Variants in CEP104 observed in about 807,000 individuals in gnomAD.
The protein encoded by CEP104 is centrosomal protein 104, also known as centrosomal protein of 104 kDa.
In CEP104, 84 loss-of-function variants were observed where a neutral mutation model predicts 113.3. That is an observed-to-expected ratio of 0.74 (90% CI 0.62 to 0.89). The LOEUF (loss-of-function observed/expected upper bound fraction) is 0.89, where lower values mean the gene tolerates loss of function less well. Ranked by LOEUF, CEP104 falls within the 40% of genes least tolerant of loss-of-function variation. CEP104 has a pLI of 0.00. For synonymous variants in CEP104, 378 were observed against 421.7 expected (o/e 0.90, Z 1.27); for missense variants, 1,053 against 1,156.6 (o/e 0.91, Z 1.30).
chr1:3,832,124 A>C (rs17403836), intron 12 of CEP104, among the ~76,000 whole-genome samples: 50,005 of 152,256 alleles, frequency 0.33, 9,783 homozygotes, highest in Admixed American at 0.45. Flanking sequence ...GCTTAAAAAT[A>C]ATTAAATGAA....
At chr1:3,842,703 A>G (rs1351439047) in intron 6 of CEP104, among the ~76,000 whole-genome samples, 1 of 152,238 alleles carries the variant, frequency 6.6e-6, no homozygotes, top group Non-Finnish European at 1.5e-5. Flanking sequence ...TTTCTATTAA[A>G]GTTTAAAAAG....
At chr1:3,818,795 T>C (rs537419053) in intron 20 of CEP104, among the ~76,000 whole-genome samples, 3 of 152,354 alleles carry the variant, frequency 2.0e-5, no homozygotes, top group Admixed American at 6.5e-5. Context: ...TTCACGATGC[T>C]TAACTCCAGA....
At chr1:3,842,778 T>C (rs1244304886) in intron 6 of CEP104, among the ~76,000 whole-genome samples, 1 of 152,296 alleles carries the variant, frequency 6.6e-6, no homozygotes, top group South Asian at 2.1e-4. Context: ...GAATTCCTCT[T>C]TATTTAAAAT....
At chr1:3,840,034 A>G (rs1241822730) in intron 6 of CEP104, among the ~76,000 whole-genome samples, 7 of 152,192 alleles carry the variant, frequency 4.6e-5, no homozygotes, top group East Asian at 1.9e-4. Context: ...CTGAGCCTCC[A>G]GTGCATTCGC....
chr1:3,842,378 C>A (rs989248192), intron 6 of CEP104, among the ~76,000 whole-genome samples: 1 of 152,248 alleles, frequency 6.6e-6, no homozygotes, highest in Non-Finnish European at 1.5e-5. Flanking sequence ...CCGCGCCCGG[C>A]CTTGGTGTTA....
At chr1:3,852,444 C>T in intron 1 of CEP104, 23 bp from the exon 2 acceptor site, 2 of 1,591,884 alleles carry the variant, frequency 1.3e-6, no homozygotes, top group Non-Finnish European at 1.7e-6. Flanking sequence ...GCAGGAAAAA[C>T]TTCTTTAAAA....
intron 3 of CEP104, among the ~76,000 whole-genome samples, 160 bp downstream of exon 3, chr1:3,848,448 C>T (rs1644548508): frequency 6.7e-6 from 1 of 148,820 alleles, no homozygotes; most frequent in African/African-American, 2.5e-5. Context: ...AGGAGAATGG[C>T]GTGAACCCGG....
intron 20 of CEP104, among the ~76,000 whole-genome samples, chr1:3,820,904 C>T (rs759339059): frequency 3.1e-4 from 47 of 152,242 alleles, no homozygotes; most frequent in South Asian, 8.3e-4. Context: ...CTTTGGAAAC[C>T]GGGGCCCATG....
chr1:3,856,833 C>T (rs1432390403), intron 1 of CEP104, 56 bp downstream of exon 1: 2 of 151,754 alleles, frequency 1.3e-5, no homozygotes, highest in East Asian at 3.9e-4. Context: ...CCCCGCGCCC[C>T]GCGCCCCGCT....
Position 3,845,332 on chromosome 1 carries a change from T to C in CEP104, c.446A>G (p.Asn149Ser). The change falls in exon 5 of 22, where the codon AAT becomes AGT. Residue 149 changes from asparagine to serine, a missense_variant. By Grantham distance (46) the Asn-to-Ser change is conservative. Transcript: ENST00000378230. ...IYNQVALVAI[N>S]IIGDPADFSD... is the part of the protein sequence containing the mutation. Reference sequence around the variant, plus strand: ...GAAATCTGCAGGGTCTCCAATGATATTTATGGCAACCAAAGCAACCTAAGA... The same window carrying C: ...GAAATCTGCAGGGTCTCCAATGATACTTATGGCAACCAAAGCAACCTAAGA... 1.2e-6 allele frequency: 2 copies of C among 1,608,902 alleles called. No homozygotes were observed. The highest frequency in any genetic ancestry group is 1.7e-6 in the Non-Finnish European group (2 of 1,176,138).
At chr1:3,830,989 C>T in intron 13 of CEP104, 57 bp downstream of exon 13, 5 of 1,508,308 alleles carry the variant, frequency 3.3e-6, no homozygotes, top group Non-Finnish European at 4.5e-6. Context: ...TCGCCACGCT[C>T]CAGGCACTGT....
chr1:3,838,893 G>C, intron 8 of CEP104, 71 bp downstream of exon 8: 3 of 1,534,206 alleles, frequency 2.0e-6, no homozygotes, highest in Non-Finnish European at 2.7e-6. Flanking sequence ...TCTATCCACT[G>C]TTGTGAACCA....
chr1:3,828,317 G>A (rs563232101), intron 15 of CEP104, among the ~76,000 whole-genome samples: 6 of 152,266 alleles, frequency 3.9e-5, no homozygotes, highest in Admixed American at 2.0e-4. Flanking sequence ...ACCACGATGC[G>A]GACCTGAGCC....
chr1:3,815,395 C>T lies in CEP104; in HGVS notation c.*7G>A, dbSNP rs12729542. ...CCTCACAGAGACCAAGGAGCCCGAGCGCCGCGTCAGCGCTTGGCGTACGTC... is the reference window on the plus strand; with the variant it reads ...CCTCACAGAGACCAAGGAGCCCGAGTGCCGCGTCAGCGCTTGGCGTACGTC... On this transcript the variant is annotated 3_prime_UTR_variant, in exon 22 of 22. Coordinates refer to ENST00000378230, the MANE Select transcript of CEP104 (RefSeq NM_014704.4). 129,851 of 1,596,024 alleles carry T rather than the reference C, an allele frequency of 0.081. 5,912 individuals are homozygous for T. The highest frequency in any genetic ancestry group is 0.093 in the Non-Finnish European group (109,254 of 1,169,412).
chr1:3,817,669 C>T (rs1409840528), intron 20 of CEP104, among the ~76,000 whole-genome samples: 1 of 152,190 alleles, frequency 6.6e-6, no homozygotes, highest in Non-Finnish European at 1.5e-5. Context: ...GTTGCTTCCC[C>T]CTCCCCCGTG....
At position 3,829,998 on chromosome 1, in the gene CEP104, C is replaced by T. The variant is rs1432385548; in HGVS notation, c.1837-1G>A. On this transcript the variant is annotated splice_acceptor_variant, in intron 13 of 21. Transcript: ENST00000378230. LOFTEE classifies it high-confidence loss of function. Reference sequence around the variant, plus strand: ...TATGCTCCAGGGCACTCACTGAAAACTAAAGTTGGGAGGGGCTCTTGTTAC... The same window carrying T: ...TATGCTCCAGGGCACTCACTGAAAATTAAAGTTGGGAGGGGCTCTTGTTAC... The T allele has an allele frequency of 2.0e-5, 32 of 1,612,586 alleles. No individual in the cohort carries two copies. The highest frequency in any genetic ancestry group is 2.7e-5 in the African/African-American group (2 of 74,892).
At chr1:3,835,132 C>A in intron 10 of CEP104, 40 bp from the exon 11 acceptor site, 2 of 1,572,006 alleles carry the variant, frequency 1.3e-6, no homozygotes, top group South Asian at 1.2e-5. Flanking sequence ...ATCACACAAC[C>A]ATCCTCCAAC....
chr1:3,826,695 A>ACACCCCAG lies in CEP104; in HGVS notation c.2188+12_2188+13insCTGGGGTG. 6.2e-7 allele frequency: 1 copy of ACACCCCAG among 1,613,944 alleles called. No individual in the cohort carries two copies. The highest frequency in any genetic ancestry group is 8.5e-7 in the Non-Finnish European group (1 of 1,179,876). On this transcript the variant is annotated intron_variant, in intron 16 of 21. Transcript: ENST00000378230. ...ACACCCCAGTTCTTTGTGCACCCCA[A>ACACCCCAG]TTCTTTACATACCCTGATTCTTTGG... is the stretch of plus-strand genomic sequence containing the variant.
intron 10 of CEP104, among the ~76,000 whole-genome samples, chr1:3,835,966 T>A (rs1295809278): frequency 6.7e-6 from 1 of 149,040 alleles, no homozygotes; most frequent in African/African-American, 2.5e-5. Context: ...ATCACGCCAC[T>A]GTACTCCACC....
Sources: allele counts gnomAD v4.1 joint callset (sites outside exome capture counted in the v4.1 genomes callset), GRCh38; gene constraint gnomAD v4.1.1; transcripts MANE v1.5; gene names NCBI Gene and HGNC (gene_info 2026-07-23, HGNC 2026-07-21).